Variants in VRK2 observed in about 807,000 individuals in gnomAD.
The protein encoded by VRK2 is serine/threonine-protein kinase VRK2.
A neutral mutation model predicts 57.6 loss-of-function variants in VRK2; 60 were observed. That is an observed-to-expected ratio of 1.04 (90% CI 0.85 to 1.29). The LOEUF (loss-of-function observed/expected upper bound fraction) is 1.29, where lower values mean the gene tolerates loss of function less well. Among genes scored for constraint, VRK2 ranks in the 50% most tolerant of loss-of-function variants. VRK2 has a pLI of 0.00. For synonymous variants in VRK2, 231 were observed against 199.2 expected (o/e 1.16, Z -1.35); for missense variants, 705 against 588.1 (o/e 1.20, Z -2.06).
At chr2:57,998,333 C>A (rs897269773) in intron 1 of VRK2, among the ~76,000 whole-genome samples, 1 of 152,158 alleles carries the variant, frequency 6.6e-6, no homozygotes, top group Non-Finnish European at 1.5e-5. Context: ...ATATCTAATA[C>A]AATCAATCAA....
intron 11 of VRK2, among the ~76,000 whole-genome samples, chr2:58,145,536 G>C (rs184484028): frequency 1.3e-5 from 2 of 151,934 alleles, no homozygotes; most frequent in African/African-American, 2.4e-5. Context: ...TTTAAAATGT[G>C]ACAATTTTCT....
intron 1 of VRK2, among the ~76,000 whole-genome samples, chr2:57,949,859 C>T (rs980540423): frequency 1.2e-4 from 19 of 152,166 alleles, no homozygotes; most frequent in African/African-American, 4.6e-4. Context: ...ATCCAGTGAA[C>T]ACACAAATGA....
intron 1 of VRK2, among the ~76,000 whole-genome samples, chr2:57,959,789 T>C (rs1016667753): frequency 5.3e-5 from 8 of 152,080 alleles, no homozygotes; most frequent in Non-Finnish European, 7.4e-5. Flanking sequence ...CTGGCAGCGC[T>C]GAATTCCCAT....
chr2:57,997,867 C>T (rs530298111), intron 1 of VRK2, among the ~76,000 whole-genome samples: 62 of 149,848 alleles, frequency 4.1e-4, no homozygotes, highest in Non-Finnish European at 5.0e-4. Context: ...CTACTGCACT[C>T]CAGACTGGAT....
chr2:58,137,237 TA>T, intron 10 of VRK2, among the ~76,000 whole-genome samples: 1 of 132,484 alleles, frequency 7.5e-6, no homozygotes, highest in African/African-American at 3.2e-5. Flanking sequence ...ATGATACATA[TA>T]TATCATATAT....
At chr2:58,033,411 G>A (rs929108068) in exon 3 of VRK2, 1 of 152,002 alleles carries the variant, frequency 6.6e-6, no homozygotes, top group African/African-American at 2.4e-5. Flanking sequence ...TGGCTTTGAA[G>A]ATGGAAGATG....
In VRK2 at chr2:58,131,714, TC is replaced by T. The variant is rs571014929; in HGVS notation, c.677-93del. On this transcript the variant is annotated intron_variant, in intron 8 of 12. Coordinates refer to ENST00000340157, the MANE Select transcript of VRK2 (RefSeq NM_006296.7). ...AAAACATTTTGCCTATTTGGCTTTTTCATATTTCATCAGTAGTAGTTCAACC... is the reference window on the plus strand; with the variant it reads ...AAAACATTTTGCCTATTTGGCTTTTTATATTTCATCAGTAGTAGTTCAACC... 448 of 1,407,148 alleles carry T rather than the reference TC, an allele frequency of 3.2e-4. 1 individual carries two copies. The highest frequency in any genetic ancestry group is 4.4e-4 in the South Asian group (27 of 61,314). The allele number at this position is 1,407,148 out of a possible 1,614,324, so 87.2% of individuals were successfully genotyped here. A position where few individuals can be genotyped will look rare whatever the true frequency, so the allele number is the denominator to read the frequency against.
At chr2:58,073,201 G>T (rs887717327) in intron 2 of VRK2, among the ~76,000 whole-genome samples, 1 of 151,956 alleles carries the variant, frequency 6.6e-6, no homozygotes, top group Non-Finnish European at 1.5e-5. Context: ...TTTTAAATTT[G>T]CTGAGGTATG....
intron 1 of VRK2, among the ~76,000 whole-genome samples, chr2:58,003,632 A>T (rs1433002159): frequency 6.6e-6 from 1 of 152,134 alleles, no homozygotes; most frequent in African/African-American, 2.4e-5. Context: ...CTGAAATTTA[A>T]CTGGATGTCC....
rs1229752299 is a variant in VRK2, at chr2:58,131,849, A to G, written c.718A>G (p.Met240Val). Residue 240 changes from methionine to valine, a missense_variant, in exon 9 of 13, where the codon ATG (methionine) becomes GTG (valine). Met to Val is a conservative substitution (Grantham distance 21). Transcript: ENST00000340157. ...RSDVEILGYC[M>V]LRWLCGKLPW... ...TGACGTTGAGATCCTCGGCTACTGC[A>G]TGCTGCGGTGGTTGTGTGGGAAACT... 1 of 1,614,032 alleles carries G rather than the reference A, an allele frequency of 6.2e-7. No homozygotes were observed.
intron 1 of VRK2, 121 bp downstream of exon 1, chr2:58,046,989 C>G: frequency 1.0e-6 from 1 of 985,036 alleles, no homozygotes; most frequent in Non-Finnish European, 1.2e-6. Context: ...TCCGGGCCGT[C>G]CCAGCCCCCG....
intron 8 of VRK2, among the ~76,000 whole-genome samples, chr2:58,126,429 G>A (rs1203844225): frequency 6.6e-6 from 1 of 152,074 alleles, no homozygotes; most frequent in Non-Finnish European, 1.5e-5. Context: ...CTGCCATTCA[G>A]TCATTACATC....
intron 11 of VRK2, 98 bp downstream of exon 11, chr2:58,139,930 C>A (rs552575183): frequency 7.7e-6 from 10 of 1,294,510 alleles, no homozygotes; most frequent in Non-Finnish European, 9.4e-6. Flanking sequence ...TGACAGCTTT[C>A]TTCTTCCTTA....
upstream of VRK2, among the ~76,000 whole-genome samples, chr2:58,044,356 A>G (rs1048207172): frequency 3.3e-5 from 5 of 152,166 alleles, no homozygotes; most frequent in Non-Finnish European, 7.3e-5. Context: ...TACTGTCTAA[A>G]CCAATCATGG....
rs1325987127 is a variant in VRK2, at chr2:58,082,991, CAG to C, written c.137-1096_137-1095del. Among the ~76,000 whole-genome samples, 7 of 151,502 alleles carry C rather than the reference CAG, an allele frequency of 4.6e-5. No homozygotes were observed. In the East Asian group the frequency reaches 7.7e-4, roughly 17 times the overall value. ...TTAATGGAAAAAAGAGAACAGCTGA[CAG>C]AATTAGAAGAAAGAAAAGGACAATG... On this transcript the variant is annotated intron_variant, in intron 2 of 12. Coordinates refer to ENST00000340157, the MANE Select transcript of VRK2 (RefSeq NM_006296.7).
upstream of VRK2, among the ~76,000 whole-genome samples, chr2:58,045,118 T>G (rs992656396): frequency 6.6e-5 from 10 of 152,146 alleles, no homozygotes; most frequent in African/African-American, 2.4e-4. Context: ...TGTTTTAAGC[T>G]CAGTAATTAT....
chr2:57,965,987 CAA>C (rs1339131306), intron 1 of VRK2, among the ~76,000 whole-genome samples: 1 of 152,196 alleles, frequency 6.6e-6, no homozygotes, highest in African/African-American at 2.4e-5. Context: ...CAAGTTATCT[CAA>C]GTTAAAATAA....
intron 7 of VRK2, among the ~76,000 whole-genome samples, chr2:58,093,925 C>CT (rs1558627385): frequency 6.6e-6 from 1 of 152,154 alleles, no homozygotes; most frequent in Non-Finnish European, 1.5e-5. Context: ...ATAGGGAATC[C>CT]TTTCCCCATT....
intron 1 of VRK2, among the ~76,000 whole-genome samples, chr2:58,048,368 C>T (rs1004403676): frequency 6.6e-6 from 1 of 152,126 alleles, no homozygotes; most frequent in Non-Finnish European, 1.5e-5. Context: ...TGTCCATTGC[C>T]ATTGTCTGTG....
Sources: allele counts gnomAD v4.1 joint callset (sites outside exome capture counted in the v4.1 genomes callset), GRCh38; gene constraint gnomAD v4.1.1; transcripts MANE v1.5; gene names NCBI Gene and HGNC (gene_info 2026-07-23, HGNC 2026-07-21).